The following PLEKHA5 variants were observed in gnomAD, a reference collection of about 807,000 sequenced individuals.
PLEKHA5 encodes the protein pleckstrin homology domain-containing family A member 5.
In PLEKHA5, 55 loss-of-function variants were observed where a neutral mutation model predicts 181.9. The observed-to-expected ratio is 0.30, with a 90% CI of 0.24 to 0.38. The LOEUF (loss-of-function observed/expected upper bound fraction) is 0.38, where lower values mean the gene tolerates loss of function less well. PLEKHA5 is among the 10% of genes least tolerant of loss of function. The pLI, the probability that PLEKHA5 is intolerant of heterozygous loss-of-function variation, is 1.00. For missense variants in PLEKHA5, 1,432 were observed against 1,549.5 expected (o/e 0.92, Z 1.27); for synonymous variants, 535 against 529.4 (o/e 1.01, Z -0.15).
At chr12:19,344,665 G>T (rs771261403) in intron 22 of PLEKHA5, among the ~76,000 whole-genome samples, 5 of 152,090 alleles carry the variant, frequency 3.3e-5, no homozygotes, top group Non-Finnish European at 7.4e-5. Flanking sequence ...CCTCCTGAAG[G>T]ATTATTTCAC....
chr12:19,183,015 A>G (rs1182594677), intron 3 of PLEKHA5, among the ~76,000 whole-genome samples: 1 of 152,232 alleles, frequency 6.6e-6, no homozygotes, highest in Non-Finnish European at 1.5e-5. Context: ...AAATTTCTGA[A>G]GAGCAATGAA....
intron 3 of PLEKHA5, among the ~76,000 whole-genome samples, chr12:19,193,572 G>A (rs1592008757): frequency 6.6e-6 from 1 of 151,782 alleles, no homozygotes; most frequent in African/African-American, 2.4e-5. Context: ...GTAAAATCAG[G>A]GCCTTCAGTG....
intron 15 of PLEKHA5, chr12:19,307,259 G>T (rs1347197699): frequency 4.2e-6 from 2 of 471,266 alleles, no homozygotes; most frequent in Non-Finnish European, 3.8e-6. Context: ...GATCACTTGA[G>T]GTCAGGAGTT....
chr12:19,171,316 C>T (rs2045841066), intron 3 of PLEKHA5, among the ~76,000 whole-genome samples: 1 of 152,006 alleles, frequency 6.6e-6, no homozygotes, highest in African/African-American at 2.4e-5. Context: ...TCTTCATCTG[C>T]CTCTGGGAAG....
intron 8 of PLEKHA5, among the ~76,000 whole-genome samples, chr12:19,267,537 A>G (rs916206204): frequency 6.6e-6 from 1 of 152,040 alleles, no homozygotes; most frequent in Non-Finnish European, 1.5e-5. Flanking sequence ...GTGCTTGCCT[A>G]TAGTCCTTGC....
intron 8 of PLEKHA5, among the ~76,000 whole-genome samples, chr12:19,266,215 G>A (rs904773082): frequency 1.1e-4 from 17 of 151,406 alleles, no homozygotes; most frequent in African/African-American, 3.4e-4. Context: ...GCACAGTGGC[G>A]GTAATTCCAG....
chr12:19,268,155 G>C (rs2071185316), intron 8 of PLEKHA5, among the ~76,000 whole-genome samples: 1 of 152,046 alleles, frequency 6.6e-6, no homozygotes, highest in Non-Finnish European at 1.5e-5. Context: ...GTATAAACCA[G>C]AGAAACATAA....
chr12:19,199,558 A>G (rs2053708720), intron 3 of PLEKHA5, among the ~76,000 whole-genome samples: 1 of 152,152 alleles, frequency 6.6e-6, no homozygotes, highest in Non-Finnish European at 1.5e-5. Context: ...TCATGAATAC[A>G]TGGCAGTGTG....
At chr12:19,145,955 A>G (rs1291542487) in intron 3 of PLEKHA5, among the ~76,000 whole-genome samples, 2 of 152,236 alleles carry the variant, frequency 1.3e-5, no homozygotes, top group Non-Finnish European at 2.9e-5. Context: ...TGGAGCTACA[A>G]AAAAACTTAC....
At chr12:19,251,678 A>T (rs2065331150) in intron 3 of PLEKHA5, among the ~76,000 whole-genome samples, 1 of 145,154 alleles carries the variant, frequency 6.9e-6, no homozygotes, top group Admixed American at 7.2e-5. Context: ...ATGTTGAAAC[A>T]GTTCCAGCAA....
chr12:19,251,263 A>C lies in PLEKHA5; in HGVS notation c.228-2677A>C, dbSNP rs1216219104. On this transcript the variant is annotated intron_variant, in intron 3 of 31. Transcript: ENST00000429027. ...CTACTAAAAATGGAAAAAATTAGCC[A>C]GGCATGGTGACACACGCTCGTAATC... 6.6e-5 allele frequency among the ~76,000 whole-genome samples: 10 copies of C among 152,034 alleles called. No homozygotes were observed. The South Asian group carries it at 1.0e-3, about 16-fold the overall frequency.
chr12:19,328,120 T>C (rs1438277137), intron 20 of PLEKHA5, among the ~76,000 whole-genome samples: 2 of 152,254 alleles, frequency 1.3e-5, no homozygotes, highest in Non-Finnish European at 2.9e-5. Context: ...TTTGTCAATT[T>C]GATCAAATAT....
At chr12:19,204,704 A>G (rs1230693713) in intron 3 of PLEKHA5, among the ~76,000 whole-genome samples, 5 of 152,148 alleles carry the variant, frequency 3.3e-5, no homozygotes, top group Non-Finnish European at 7.4e-5. Context: ...TAATATGTAA[A>G]CAACAGATAA....
At chr12:19,299,835 C>T (rs1204997881) in intron 15 of PLEKHA5, among the ~76,000 whole-genome samples, 3 of 152,158 alleles carry the variant, frequency 2.0e-5, no homozygotes, top group African/African-American at 7.2e-5. Flanking sequence ...TTTTAGCCAA[C>T]TCAGGAAATG....
intron 15 of PLEKHA5, chr12:19,306,657 G>C (rs704161): frequency 7.0e-7 from 1 of 1,418,588 alleles, no homozygotes; most frequent in African/African-American, 1.4e-5. Context: ...ATAGGTGACT[G>C]ATCTCCCCGG....
chr12:19,307,815 G>A (rs1190305593), intron 15 of PLEKHA5, among the ~76,000 whole-genome samples: 1 of 151,376 alleles, frequency 6.6e-6, no homozygotes, highest in African/African-American at 2.4e-5. Flanking sequence ...AGACATTATA[G>A]AAGTACAAAC....
intron 13 of PLEKHA5, among the ~76,000 whole-genome samples, chr12:19,289,165 T>C (rs1196842326): frequency 6.6e-6 from 1 of 152,186 alleles, no homozygotes; most frequent in Non-Finnish European, 1.5e-5. Context: ...TCTTTTTCTC[T>C]TACATGGTTT....
intron 3 of PLEKHA5, chr12:19,201,988 A>G: frequency 1.1e-6 from 1 of 951,296 alleles, no homozygotes; most frequent in Non-Finnish European, 1.3e-6. Flanking sequence ...ACTAAATAAA[A>G]GCTGAGTTAG....
chr12:19,235,992 T>C (rs2152417029), intron 3 of PLEKHA5, among the ~76,000 whole-genome samples: 1 of 152,270 alleles, frequency 6.6e-6, no homozygotes, highest in Non-Finnish European at 1.5e-5. Flanking sequence ...CTGAGAATTA[T>C]CCTACATAGC....
Sources: allele counts gnomAD v4.1 joint callset (sites outside exome capture counted in the v4.1 genomes callset), GRCh38; gene constraint gnomAD v4.1.1; transcripts MANE v1.5; gene names NCBI Gene and HGNC (gene_info 2026-07-23, HGNC 2026-07-21).